The following PIK3CB variants were observed in gnomAD, a reference collection of about 807,000 sequenced individuals.
The protein encoded by PIK3CB is phosphatidylinositol 4,5-bisphosphate 3-kinase catalytic subunit beta isoform.
In PIK3CB, 39 loss-of-function variants were observed where a neutral mutation model predicts 136.8. The observed-to-expected ratio is 0.29, with a 90% CI of 0.22 to 0.37. The LOEUF is 0.37. Ranked by LOEUF, PIK3CB falls within the 10% of genes least tolerant of loss-of-function variation. The probability of loss-of-function intolerance (pLI) is 1.00; values close to 1 mark genes in which losing one functional copy is unlikely to be tolerated. For synonymous variants in PIK3CB, 428 were observed against 436.6 expected, an observed-to-expected ratio of 0.98 and a Z score of 0.25; for missense variants, 868 against 1,275.4, an observed-to-expected ratio of 0.68 and a Z score of 4.87.
At chr3:138,773,213 C>T (rs1394070597) in intron 2 of PIK3CB, among the ~76,000 whole-genome samples, 2 of 151,878 alleles carry the variant, frequency 1.3e-5, no homozygotes, top group African/African-American at 4.8e-5. Flanking sequence ...CCAGCCTGGC[C>T]AACATGGTGA....
intron 2 of PIK3CB, among the ~76,000 whole-genome samples, chr3:138,762,007 G>A (rs756063378): frequency 1.1e-3 from 166 of 151,848 alleles, no homozygotes; most frequent in Middle Eastern, 3.4e-3. Flanking sequence ...AGTACTTTGG[G>A]AGGCCGAGGT....
At chr3:138,738,794 A>C (rs916066559) in intron 5 of PIK3CB, among the ~76,000 whole-genome samples, 1 of 152,162 alleles carries the variant, frequency 6.6e-6, no homozygotes, top group Non-Finnish European at 1.5e-5. Context: ...AAAGCAACCA[A>C]CTGCTACTCT....
intron 1 of PIK3CB, among the ~76,000 whole-genome samples, chr3:138,804,236 AG>A (rs1383773679): frequency 1.3e-5 from 2 of 152,194 alleles, no homozygotes; most frequent in Admixed American, 6.6e-5. Context: ...AAAACAGGCC[AG>A]GCATGGTAGT....
At chr3:138,697,561 G>A (rs932495695) in intron 13 of PIK3CB, among the ~76,000 whole-genome samples, 2 of 151,880 alleles carry the variant, frequency 1.3e-5, no homozygotes, top group Non-Finnish European at 2.9e-5. Flanking sequence ...CCAACCTCCC[G>A]AGTAGCTGGA....
intron 8 of PIK3CB, among the ~76,000 whole-genome samples, chr3:138,732,898 G>C (rs2045016900): frequency 6.6e-6 from 1 of 151,632 alleles, no homozygotes; most frequent in Non-Finnish European, 1.5e-5. Context: ...TGAGTAAGGA[G>C]TGGTAAGAGT....
At chr3:138,659,242 T>C (rs970416493) in intron 21 of PIK3CB, among the ~76,000 whole-genome samples, 5 of 152,198 alleles carry the variant, frequency 3.3e-5, no homozygotes, top group East Asian at 3.9e-4. Flanking sequence ...TTGATAATTA[T>C]TGGTTTAGGC....
chr3:138,743,997 A>G (rs1257188676), intron 4 of PIK3CB, among the ~76,000 whole-genome samples: 2 of 152,318 alleles, frequency 1.3e-5, no homozygotes, highest in Middle Eastern at 3.4e-3. Flanking sequence ...AAAGTAAGCT[A>G]AAGAAAATGT....
At chr3:138,756,162 T>C (rs879131615) in intron 3 of PIK3CB, among the ~76,000 whole-genome samples, 183 bp from the exon 4 acceptor site, 2 of 152,078 alleles carry the variant, frequency 1.3e-5, no homozygotes, top group Admixed American at 1.3e-4. Context: ...ATAATAGAAA[T>C]ATATTCAGAA....
rs143317050 is a variant in PIK3CB at position 138,709,719 on chromosome 3, G to A, written c.1400-2430C>T. 3.7e-4 allele frequency among the ~76,000 whole-genome samples: 56 copies of A among 152,224 alleles called. 1 individual carries two copies. The East Asian group carries it at 0.011, about 29-fold the overall frequency. On this transcript the variant is annotated intron_variant, in intron 10 of 23. Transcript: ENST00000674063. The stretch of plus-strand genomic sequence containing the variant: ...GAGGAAGTCAGGTTCATAGTATTAT[G>A]CCAAGTTAACACCACCAAAAATTGT...
At chr3:138,805,088 A>G in intron 1 of PIK3CB, among the ~76,000 whole-genome samples, 1 of 151,522 alleles carries the variant, frequency 6.6e-6, no homozygotes. Flanking sequence ...TAAACCCAAC[A>G]CTTTGGGAGG....
chr3:138,763,389 G>A (rs1262855845), intron 2 of PIK3CB, among the ~76,000 whole-genome samples: 1 of 151,962 alleles, frequency 6.6e-6, no homozygotes, highest in African/African-American at 2.4e-5. Flanking sequence ...CACCCGCCTC[G>A]GCCTCCCAAA....
At chr3:138,789,935 C>T (rs1275043047) in intron 2 of PIK3CB, among the ~76,000 whole-genome samples, 3 of 152,112 alleles carry the variant, frequency 2.0e-5, no homozygotes, top group Non-Finnish European at 2.9e-5. Flanking sequence ...GTGATCTGCC[C>T]GTCCTGGCCT....
chr3:138,677,060 T>TTTC (rs1225874871), intron 19 of PIK3CB, among the ~76,000 whole-genome samples: 1 of 149,784 alleles, frequency 6.7e-6, no homozygotes, highest in Non-Finnish European at 1.5e-5. Flanking sequence ...TATGCAAGAT[T>TTTC]TTTTTTTTTT....
chr3:138,746,809 TAG>T (rs998560081), intron 4 of PIK3CB, among the ~76,000 whole-genome samples: 1 of 151,356 alleles, frequency 6.6e-6, no homozygotes, highest in Non-Finnish European at 1.5e-5. Context: ...TGAATCAGAT[TAG>T]AGTCTATTGG....
At chr3:138,676,860 A>AC (rs1559806765) in intron 19 of PIK3CB, among the ~76,000 whole-genome samples, 1 of 152,182 alleles carries the variant, frequency 6.6e-6, no homozygotes, top group African/African-American at 2.4e-5. Context: ...GGTTGGGGGT[A>AC]ACAGCTAAGG....
At chr3:138,739,607 T>G (rs1056444864) in intron 5 of PIK3CB, among the ~76,000 whole-genome samples, 5 of 151,352 alleles carry the variant, frequency 3.3e-5, no homozygotes, top group African/African-American at 7.3e-5. Context: ...GCTTTCAGAA[T>G]TCTGAGAAAC....
chr3:138,731,711 G>T (rs768210516), intron 8 of PIK3CB, among the ~76,000 whole-genome samples: 3 of 151,914 alleles, frequency 2.0e-5, no homozygotes, highest in Non-Finnish European at 4.4e-5. Flanking sequence ...TAGGCTGGGC[G>T]CAGTGGCTCA....
chr3:138,705,278 T>C (rs920935809), intron 11 of PIK3CB, among the ~76,000 whole-genome samples: 1 of 150,100 alleles, frequency 6.7e-6, no homozygotes, highest in Non-Finnish European at 1.5e-5. Flanking sequence ...AAAGAGCCTA[T>C]AACTGTTGAA....
chr3:138,783,651 T>C (rs1218695971), intron 2 of PIK3CB, among the ~76,000 whole-genome samples: 1 of 152,016 alleles, frequency 6.6e-6, no homozygotes, highest in African/African-American at 2.4e-5. Context: ...AGAAAGACTA[T>C]ATGCAAAGAC....
Sources: allele counts gnomAD v4.1 joint callset (sites outside exome capture counted in the v4.1 genomes callset), GRCh38; gene constraint gnomAD v4.1.1; transcripts MANE v1.5; gene names NCBI Gene and HGNC (gene_info 2026-07-23, HGNC 2026-07-21).